Variants in GALNT8 observed in about 807,000 individuals in gnomAD.
GALNT8 encodes the protein probable polypeptide N-acetylgalactosaminyltransferase 8.
Under a neutral mutation model 62.7 loss-of-function variants are expected in GALNT8, and 66 were observed. The observed-to-expected ratio is 1.05, with a 90% CI of 0.86 to 1.29. The LOEUF (loss-of-function observed/expected upper bound fraction) is 1.29, where lower values mean the gene tolerates loss of function less well. GALNT8 is among the 50% of genes most tolerant of loss of function. The probability of loss-of-function intolerance (pLI) is 0.00; values close to 1 mark genes in which losing one functional copy is unlikely to be tolerated. For synonymous variants in GALNT8, 288 were observed against 294.3 expected (o/e 0.98, Z 0.22); for missense variants, 771 against 791.8 (o/e 0.97, Z 0.32).
Position 4,739,320 on chromosome 12 carries a change from A to C in GALNT8, c.667A>C (p.Ser223Arg). Residue 223 changes from serine to arginine, a missense_variant, in exon 3 of 11, where the codon AGC becomes CGC. Ser to Arg is a moderately radical substitution (Grantham distance 110, BLOSUM62 -1). Transcript: ENST00000252318. The part of the protein sequence containing the change: ...LKEIILVDDF[S>R]SNGELKVHLD... ...GGAAATCATCTTGGTGGATGATTTC[A>C]GCTCAAATGGTGAGCAACGTGATCA... The C allele has an allele frequency of 6.2e-7, 1 of 1,612,630 alleles. No individual in the cohort carries two copies. Among genetic ancestry groups the C allele is most frequent in the Non-Finnish European group, 8.5e-7 (1 of 1,178,998 alleles).
chr12:4,770,427 A>G, intron 10 of GALNT8, among the ~76,000 whole-genome samples: 1 of 152,152 alleles, frequency 6.6e-6, no homozygotes, highest in Non-Finnish European at 1.5e-5. Flanking sequence ...GTCAAAGCTC[A>G]TGTCATGTGG....
intron 2 of GALNT8, among the ~76,000 whole-genome samples, chr12:4,734,334 A>T: frequency 6.6e-6 from 1 of 152,176 alleles, no homozygotes; most frequent in East Asian, 1.9e-4. Context: ...CATTGGTATC[A>T]CTTGGGAGCC....
chr12:4,729,436 GC>G (rs972766176), intron 2 of GALNT8, among the ~76,000 whole-genome samples: 2 of 151,906 alleles, frequency 1.3e-5, no homozygotes, highest in African/African-American at 4.8e-5. Context: ...TCTTCGCCCA[GC>G]CCCCACCCTG....
Position 4,726,753 on chromosome 12 carries a change from C to A in GALNT8, c.433C>A (p.Arg145=). The change falls in exon 2 of 11, where the codon CGG becomes AGG. Residue 145 remains arginine (R), a synonymous_variant. Transcript: ENST00000252318. This position sits in a 1 kb window ranked among gnomAD's most constrained non-coding sequence, Gnocchi z 4.1. ...GCAGAAGGCGGCCCAGGACCTCTTCCGGAAGTTTGGTTACAACGCGTACCT... is the reference window on the plus strand; with the variant it reads ...GCAGAAGGCGGCCCAGGACCTCTTCAGGAAGTTTGGTTACAACGCGTACCT... ...AQQKAAQDLF[R]KFGYNAYLSN... 6.2e-7 allele frequency: 1 copy of A among 1,614,034 alleles called. No individual in the cohort carries two copies. The highest frequency in any genetic ancestry group is 8.5e-7 in the Non-Finnish European group (1 of 1,180,008).
At chr12:4,764,987 TA>T (rs1946392493) in intron 9 of GALNT8, among the ~76,000 whole-genome samples, 5 of 152,098 alleles carry the variant, frequency 3.3e-5, no homozygotes, top group Admixed American at 3.3e-4. Flanking sequence ...GACACATTAA[TA>T]ACCTACTTGT....
At chr12:4,739,409 A>C in intron 3 of GALNT8, 80 bp downstream of exon 3, 1 of 1,098,782 alleles carries the variant, frequency 9.1e-7, no homozygotes, top group Non-Finnish European at 1.3e-6. Context: ...TTTGGCTTAG[A>C]GTTTAGGACA....
chr12:4,744,513 A>C lies in GALNT8; in HGVS notation c.677-4A>C. The C allele has an allele frequency of 6.3e-7, 1 of 1,597,096 alleles. No individual in the cohort carries two copies. The highest frequency in any genetic ancestry group is 1.3e-5 in the African/African-American group (1 of 74,328). On this transcript the variant is annotated splice_region_variant and splice_polypyrimidine_tract_variant and intron_variant, in intron 3 of 10. Transcript: ENST00000252318. ...ATTTCTATAGGTGTGCACTTGATTG[A>C]CAGGAGAACTAAAGGTACACTTGGA...
chr12:4,751,022 T>C (rs886679524), intron 6 of GALNT8, among the ~76,000 whole-genome samples: 4 of 152,078 alleles, frequency 2.6e-5, no homozygotes, highest in African/African-American at 7.2e-5. Flanking sequence ...AAACAAGCAA[T>C]GGGGAAAGGA....
chr12:4,755,190 G>C (rs1322701598), intron 6 of GALNT8, among the ~76,000 whole-genome samples: 1 of 152,160 alleles, frequency 6.6e-6, no homozygotes, highest in African/African-American at 2.4e-5. Flanking sequence ...CCTAATAGTT[G>C]CCTAGACTGC....
intron 4 of GALNT8, 71 bp downstream of exon 4, chr12:4,744,771 A>T: frequency 9.8e-7 from 1 of 1,015,528 alleles, no homozygotes; most frequent in Non-Finnish European, 1.4e-6. Flanking sequence ...TGAACACAAG[A>T]CAGGATACTG....
chr12:4,725,836 G>A (rs185736655), intron 1 of GALNT8, among the ~76,000 whole-genome samples: 2 of 152,288 alleles, frequency 1.3e-5, no homozygotes, highest in Admixed American at 1.3e-4. Context: ...TTACAGGCGT[G>A]AGCCACCACG....
At chr12:4,728,007 T>C (rs754599931) in intron 2 of GALNT8, among the ~76,000 whole-genome samples, 6 of 152,210 alleles carry the variant, frequency 3.9e-5, no homozygotes, top group Non-Finnish European at 7.4e-5. Flanking sequence ...TTCTGATTTT[T>C]CCACATACTC....
intron 6 of GALNT8, among the ~76,000 whole-genome samples, chr12:4,755,675 C>T (rs1946341376): frequency 6.6e-6 from 1 of 152,128 alleles, no homozygotes; most frequent in Non-Finnish European, 1.5e-5. Flanking sequence ...CATCTTGCTC[C>T]ACCACTTCTC....
chr12:4,721,028 A>T, intron 1 of GALNT8, 140 bp downstream of exon 1: 1 of 633,704 alleles, frequency 1.6e-6, no homozygotes, highest in Non-Finnish European at 2.9e-6. Context: ...CTGACACTGA[A>T]TTCTGTGCCT....
intron 3 of GALNT8, among the ~76,000 whole-genome samples, chr12:4,741,480 A>G (rs1412618004): frequency 6.6e-6 from 1 of 152,162 alleles, no homozygotes; most frequent in Non-Finnish European, 1.5e-5. Flanking sequence ...TGCCTGAGAC[A>G]ACGTCAGGCA....
At chr12:4,742,798 A>G (rs1288455877) in intron 3 of GALNT8, among the ~76,000 whole-genome samples, 1 of 152,130 alleles carries the variant, frequency 6.6e-6, no homozygotes, top group Non-Finnish European at 1.5e-5. Flanking sequence ...AAGCGCCCTG[A>G]GCTGACCAGC....
At chr12:4,736,540 A>T (rs1946245682) in intron 2 of GALNT8, among the ~76,000 whole-genome samples, 1 of 151,934 alleles carries the variant, frequency 6.6e-6, no homozygotes, top group African/African-American at 2.4e-5. Context: ...GCTTATGATG[A>T]CCCAGAAGCA....
intron 1 of GALNT8, among the ~76,000 whole-genome samples, chr12:4,722,613 A>C (rs138210042): frequency 1.3e-5 from 2 of 152,272 alleles, no homozygotes; most frequent in South Asian, 4.1e-4. Flanking sequence ...TGTGCATCCA[A>C]CTTCAGCAAG....
At chr12:4,722,582 T>C (rs956624621) in intron 1 of GALNT8, among the ~76,000 whole-genome samples, 9 of 152,232 alleles carry the variant, frequency 5.9e-5, no homozygotes, top group Non-Finnish European at 8.8e-5. Flanking sequence ...GGAAGTCTAA[T>C]GCCTCTGAAT....
Sources: allele counts gnomAD v4.1 joint callset (sites outside exome capture counted in the v4.1 genomes callset), GRCh38; gene constraint gnomAD v4.1.1; non-coding constraint Gnocchi (gnomAD v3.1); transcripts MANE v1.5; gene names NCBI Gene and HGNC (gene_info 2026-07-23, HGNC 2026-07-21).